RAPGEF6: variants seen among roughly 807,000 people sequenced by gnomAD.
RAPGEF6 encodes PDZ domain containing guanine nucleotide exchange factor (GEF) 2.
Under a neutral mutation model 171.4 loss-of-function variants are expected in RAPGEF6, and 56 were observed. That is an observed-to-expected ratio of 0.33 (90% confidence interval 0.26 to 0.41). The LOEUF is 0.41. Among genes scored for constraint, RAPGEF6 ranks in the 10% least tolerant of loss-of-function variants. The probability of loss-of-function intolerance (pLI) is 1.00; values close to 1 mark genes in which losing one functional copy is unlikely to be tolerated. For synonymous variants in RAPGEF6, 692 were observed against 650.1 expected (o/e 1.06, Z -0.98); for missense variants, 1,674 against 1,921.4 (o/e 0.87, Z 2.41).
At chr5:131,625,020 T>C (rs537637757) in intron 1 of RAPGEF6, among the ~76,000 whole-genome samples, 11 of 152,102 alleles carry the variant, frequency 7.2e-5, no homozygotes, top group Admixed American at 1.3e-4. Context: ...TCCCAGCACT[T>C]TGGGAGGCCG....
chr5:131,549,358 A>C (rs1381852958), intron 5 of RAPGEF6, among the ~76,000 whole-genome samples: 1 of 152,100 alleles, frequency 6.6e-6, no homozygotes, highest in Non-Finnish European at 1.5e-5. Context: ...GCACCCACCC[A>C]AACACAGTGG....
At chr5:131,505,564 G>T (rs1270434493) in intron 9 of RAPGEF6, 42 bp from the exon 10 acceptor site, 2 of 1,536,338 alleles carry the variant, frequency 1.3e-6, no homozygotes. Flanking sequence ...TTTTAAAAAA[G>T]GTAGTTACAT....
At chr5:131,528,198 A>C (rs1759060662) in intron 6 of RAPGEF6, among the ~76,000 whole-genome samples, 1 of 126,740 alleles carries the variant, frequency 7.9e-6, no homozygotes, top group Non-Finnish European at 1.6e-5. Flanking sequence ...TTATAATTAT[A>C]TATATTATAT....
At chr5:131,545,983 G>C (rs990058448) in intron 6 of RAPGEF6, among the ~76,000 whole-genome samples, 22 of 152,126 alleles carry the variant, frequency 1.4e-4, no homozygotes, top group Non-Finnish European at 1.5e-4. Context: ...TGCTCTTTCT[G>C]ATCCCAGGAA....
chr5:131,439,094 G>C (rs1279969460), intron 24 of RAPGEF6, among the ~76,000 whole-genome samples: 1 of 151,968 alleles, frequency 6.6e-6, no homozygotes, highest in East Asian at 1.9e-4. Context: ...GTTTTAAATT[G>C]TTTGTAGAGT....
intron 21 of RAPGEF6, among the ~76,000 whole-genome samples, chr5:131,448,239 C>T (rs191270727): frequency 7.2e-5 from 11 of 152,100 alleles, no homozygotes; most frequent in African/African-American, 2.2e-4. Flanking sequence ...TAAAAGAAAA[C>T]GTTTCAGAAG....
chr5:131,518,459 G>A (rs1400162387), intron 7 of RAPGEF6, among the ~76,000 whole-genome samples: 1 of 150,792 alleles, frequency 6.6e-6, no homozygotes, highest in Non-Finnish European at 1.5e-5. Context: ...GTGCAATGGC[G>A]TGATCTTGGG....
intron 6 of RAPGEF6, among the ~76,000 whole-genome samples, chr5:131,525,091 A>G (rs1441628417): frequency 6.6e-6 from 1 of 152,262 alleles, no homozygotes; most frequent in Non-Finnish European, 1.5e-5. Flanking sequence ...AATTTTTAAT[A>G]CAGATTTCAG....
At chr5:131,568,511 G>A (rs1581036675) in intron 4 of RAPGEF6, among the ~76,000 whole-genome samples, 2 of 151,834 alleles carry the variant, frequency 1.3e-5, no homozygotes, top group South Asian at 2.1e-4. Context: ...TAGAGACAGG[G>A]GTCTCCCTAT....
chr5:131,628,840 C>T lies in RAPGEF6; in HGVS notation c.69+6122G>A, dbSNP rs141321482. ...AAACAACAAAGCCTAAATGACAGCA[C>T]GTTTGTTTACAGTATGGGTTAATGA... On this transcript the variant is annotated intron_variant, in intron 1 of 27. Coordinates refer to ENST00000509018, the MANE Select transcript of RAPGEF6 (RefSeq NM_016340.6). 8.4e-3 allele frequency among the ~76,000 whole-genome samples: 1,272 copies of T among 152,246 alleles called. 24 individuals carry two copies. Among genetic ancestry groups the T allele is most frequent in the African/African-American group, 0.029 (1,223 of 41,508 alleles).
intron 26 of RAPGEF6, among the ~76,000 whole-genome samples, chr5:131,429,491 G>GC (rs534139669): frequency 1.1e-3 from 167 of 152,238 alleles, no homozygotes; most frequent in African/African-American, 3.9e-3. Flanking sequence ...CTGCAATTCA[G>GC]CCCCCATATC....
At chr5:131,618,830 G>A (rs1209385988) in intron 1 of RAPGEF6, among the ~76,000 whole-genome samples, 1 of 152,064 alleles carries the variant, frequency 6.6e-6, no homozygotes, top group African/African-American at 2.4e-5. Context: ...AAGAGATGCA[G>A]ATGATCCTAT....
chr5:131,469,630 CA>C (rs933927909), intron 17 of RAPGEF6, among the ~76,000 whole-genome samples: 1 of 151,782 alleles, frequency 6.6e-6, no homozygotes, highest in Non-Finnish European at 1.5e-5. Flanking sequence ...TATATATATT[CA>C]AAAAAATGAC....
At chr5:131,601,110 G>A (rs1764222085) in intron 3 of RAPGEF6, among the ~76,000 whole-genome samples, 1 of 151,276 alleles carries the variant, frequency 6.6e-6, no homozygotes, top group Non-Finnish European at 1.5e-5. Flanking sequence ...AAGGCTGGGA[G>A]CGGTGGCTCA....
chr5:131,463,866 AGTG>A, intron 18 of RAPGEF6, 172 bp downstream of exon 18: 1 of 1,313,180 alleles, frequency 7.6e-7, no homozygotes, highest in Middle Eastern at 2.9e-4. Context: ...AGATTATATC[AGTG>A]GTTCTAAGAG....
Position 131,472,757 on chromosome 5 carries a change from G to T in RAPGEF6, c.2082-13C>A, listed in dbSNP as rs756617625. On this transcript the variant is annotated splice_polypyrimidine_tract_variant and intron_variant, in intron 16 of 27. Transcript: ENST00000509018. ...TAGGCCTCCATCACTTCAAAAGAAT[G>T]TCATATATCACTTTAAAGTATTTGA... 2 of 1,597,078 alleles carry T rather than the reference G, an allele frequency of 1.3e-6. No homozygotes were observed. Among genetic ancestry groups the T allele is most frequent in the East Asian group, 2.2e-5 (1 of 44,778 alleles).
At chr5:131,576,087 C>T (rs893786393) in intron 4 of RAPGEF6, among the ~76,000 whole-genome samples, 8 of 152,208 alleles carry the variant, frequency 5.3e-5, no homozygotes, top group African/African-American at 1.9e-4. Context: ...CAGACTTCAA[C>T]CCGGCCTCTC....
At chr5:131,621,192 C>T (rs1006700371) in intron 1 of RAPGEF6, among the ~76,000 whole-genome samples, 1 of 152,190 alleles carries the variant, frequency 6.6e-6, no homozygotes, top group South Asian at 2.1e-4. Flanking sequence ...ATTCCAAGAG[C>T]CTTTGTGGAT....
At chr5:131,499,999 A>G (rs1020305725) in intron 11 of RAPGEF6, among the ~76,000 whole-genome samples, 5 of 152,168 alleles carry the variant, frequency 3.3e-5, no homozygotes, top group African/African-American at 1.2e-4. Flanking sequence ...CCTGGGTTCA[A>G]GCAATTCTCC....
Sources: gnomAD v4.1 joint callset for allele counts (sites outside exome capture counted in the v4.1 genomes callset) on GRCh38, gnomAD v4.1.1 for gene constraint, MANE v1.5 for transcripts, NCBI Gene and HGNC (gene_info 2026-07-23, HGNC 2026-07-21) for gene names.